NRXN3: variants seen among roughly 807,000 people sequenced by gnomAD.
NRXN3 encodes the protein neurexin III.
A neutral mutation model predicts 137.6 loss-of-function variants in NRXN3; 32 were observed. That is an observed-to-expected ratio of 0.23 (90% confidence interval 0.18 to 0.31). The LOEUF (loss-of-function observed/expected upper bound fraction) is 0.31, where lower values mean the gene tolerates loss of function less well. NRXN3 is among the 10% of genes least tolerant of loss of function. The pLI is 1.00. For synonymous variants in NRXN3, 798 were observed against 784.5 expected, an observed-to-expected ratio of 1.02 and a Z score of -0.29; for missense variants, 1,574 against 2,062.5, an observed-to-expected ratio of 0.76 and a Z score of 4.59.
At chr14:79,386,525 C>T (rs1176287848) in intron 15 of NRXN3, among the ~76,000 whole-genome samples, 1 of 152,074 alleles carries the variant, frequency 6.6e-6, no homozygotes, top group African/African-American at 2.4e-5. Context: ...GGCCATACTG[C>T]CCAAGGTAAT....
chr14:79,139,056 C>G (rs186006884), intron 15 of NRXN3, among the ~76,000 whole-genome samples: 89 of 152,292 alleles, frequency 5.8e-4, no homozygotes, highest in Middle Eastern at 3.4e-3. Flanking sequence ...CAATTTCATA[C>G]TTTTTCACCT....
At chr14:79,072,090 TG>T (rs2152716009) in intron 15 of NRXN3, 1 of 152,314 alleles carries the variant, frequency 6.6e-6, no homozygotes, top group South Asian at 2.1e-4. Context: ...TACCCTTGTC[TG>T]TATGGCTTAT....
chr14:79,029,681 T>C (rs2099604203), intron 15 of NRXN3, among the ~76,000 whole-genome samples: 1 of 152,144 alleles, frequency 6.6e-6, no homozygotes, highest in South Asian at 2.1e-4. Context: ...CTGCCAGTAG[T>C]AGCCTCCCCA....
intron 10 of NRXN3, among the ~76,000 whole-genome samples, chr14:78,841,822 G>C (rs967999638): frequency 3.3e-5 from 5 of 151,904 alleles, no homozygotes; most frequent in Non-Finnish European, 4.4e-5. Flanking sequence ...AGATTTTAAC[G>C]AAGAGTGCTA....
intron 15 of NRXN3, among the ~76,000 whole-genome samples, chr14:79,410,884 A>T (rs1049150822): frequency 8.5e-5 from 13 of 152,150 alleles, no homozygotes; most frequent in African/African-American, 2.9e-4. Context: ...CCAAGATTTA[A>T]CACATTATTT....
intron 2 of NRXN3, among the ~76,000 whole-genome samples, chr14:78,263,149 T>A (rs906288770): frequency 3.3e-5 from 5 of 152,310 alleles, no homozygotes; most frequent in African/African-American, 1.2e-4. Context: ...CAGTTTTTAG[T>A]TTTTGTTCTT....
At chr14:79,496,986 C>T (rs1284032878) in intron 16 of NRXN3, among the ~76,000 whole-genome samples, 1 of 152,206 alleles carries the variant, frequency 6.6e-6, no homozygotes, top group Non-Finnish European at 1.5e-5. Flanking sequence ...TCCACCATAA[C>T]CCCACAAAGT....
chr14:78,810,705 G>A (rs2098907480), intron 10 of NRXN3, among the ~76,000 whole-genome samples: 1 of 152,220 alleles, frequency 6.6e-6, no homozygotes, highest in Admixed American at 6.5e-5. Flanking sequence ...AGGGCAACCA[G>A]CATGCACTTC....
At chr14:79,152,555 C>T (rs960930555) in intron 15 of NRXN3, among the ~76,000 whole-genome samples, 4 of 151,934 alleles carry the variant, frequency 2.6e-5, no homozygotes, top group African/African-American at 9.7e-5. Context: ...TTCCATGTGG[C>T]TGGGGAGGCC....
At chr14:79,355,907 T>C (rs577268121) in intron 15 of NRXN3, among the ~76,000 whole-genome samples, 73 of 152,288 alleles carry the variant, frequency 4.8e-4, no homozygotes, top group Admixed American at 1.7e-3. Flanking sequence ...AGGTCAAAGA[T>C]TGTAGTGTAA....
At chr14:79,695,467 C>G (rs2098732194) in intron 18 of NRXN3, among the ~76,000 whole-genome samples, 1 of 151,824 alleles carries the variant, frequency 6.6e-6, no homozygotes, top group African/African-American at 2.4e-5. Context: ...TGGCATTAGG[C>G]TGTCTAATGT....
chr14:79,253,620 A>G (rs111669442), intron 15 of NRXN3, among the ~76,000 whole-genome samples: 8,079 of 152,288 alleles, frequency 0.053, 580 homozygotes, highest in African/African-American at 0.16. Context: ...GTCTGGGGAG[A>G]CCTCAGGAAA....
intron 15 of NRXN3, among the ~76,000 whole-genome samples, chr14:78,994,634 A>C (rs1339925426): frequency 6.6e-6 from 1 of 152,236 alleles, no homozygotes; most frequent in Non-Finnish European, 1.5e-5. Context: ...TGATAAAAGA[A>C]ATCAAAGCAT....
intron 10 of NRXN3, among the ~76,000 whole-genome samples, chr14:78,893,847 C>T (rs1298168379): frequency 6.6e-6 from 1 of 151,830 alleles, no homozygotes; most frequent in East Asian, 1.9e-4. Flanking sequence ...AAAGCAGATA[C>T]CACAATAAAG....
intron 16 of NRXN3, among the ~76,000 whole-genome samples, chr14:79,562,672 G>C (rs1417239467): frequency 6.6e-6 from 1 of 152,074 alleles, no homozygotes; most frequent in Non-Finnish European, 1.5e-5. Flanking sequence ...TACAAATTTG[G>C]ATTTGCTTTA....
chr14:78,462,242 T>C (rs2094942185), intron 4 of NRXN3, among the ~76,000 whole-genome samples: 1 of 152,168 alleles, frequency 6.6e-6, no homozygotes, highest in Admixed American at 6.5e-5. Context: ...AAGATGGTCA[T>C]GATAATGTCA....
At chr14:79,535,658 T>G (rs1270634198) in intron 16 of NRXN3, among the ~76,000 whole-genome samples, 2 of 152,186 alleles carry the variant, frequency 1.3e-5, no homozygotes, top group Non-Finnish European at 2.9e-5. Flanking sequence ...TTATCATCTT[T>G]AACCCTCAGA....
At chr14:79,432,043 C>T (rs188838790) in intron 15 of NRXN3, among the ~76,000 whole-genome samples, 1 of 152,068 alleles carries the variant, frequency 6.6e-6, no homozygotes, top group Non-Finnish European at 1.5e-5. Flanking sequence ...AGTAAATAAG[C>T]CAACAATGGT....
chr14:78,813,598 C>CT (rs1405251181), intron 10 of NRXN3, among the ~76,000 whole-genome samples: 1 of 151,780 alleles, frequency 6.6e-6, no homozygotes, highest in Admixed American at 6.6e-5. Context: ...TTCAGTCATT[C>CT]TTTTTTAGAA....
Sources: allele counts gnomAD v4.1 joint callset (sites outside exome capture counted in the v4.1 genomes callset), GRCh38; gene constraint gnomAD v4.1.1; transcripts MANE v1.5; gene names NCBI Gene and HGNC (gene_info 2026-07-23, HGNC 2026-07-21).